Variants in KCNIP3 observed in about 807,000 individuals in gnomAD.
The protein encoded by KCNIP3 is calsenilin.
In KCNIP3, 28 loss-of-function variants were observed where a neutral mutation model predicts 35.0. That is an observed-to-expected ratio of 0.80 (90% CI 0.59 to 1.10). The LOEUF (loss-of-function observed/expected upper bound fraction) is 1.10. KCNIP3 is among the 50% of genes least tolerant of loss of function. KCNIP3 has a pLI of 0.00. For synonymous variants in KCNIP3, 134 were observed against 133.8 expected (o/e 1.00, Z -0.01); for missense variants, 295 against 338.4 (o/e 0.87, Z 1.01).
Position 95,297,446 on chromosome 2 carries a change from C to T in KCNIP3, c.8C>T (p.Pro3Leu), listed in dbSNP as rs765224212. 58 of 1,266,036 alleles carry T rather than the reference C, an allele frequency of 4.6e-5. No homozygotes were observed. Among genetic ancestry groups the T allele is most frequent in the East Asian group, 3.3e-4 (7 of 20,930 alleles). 78.4% of individuals were successfully genotyped at this position (1,266,036 alleles called of 1,614,324 possible). ...TTTTCTTCAGCGCCCAGGATGCAGC[C>T]GGCTAAGGTAGGTGCTGGGGGAATG... MQ[P>L]AKEVTKASDG... The change falls in exon 1 of 9, where the codon CCG (proline) becomes CTG (leucine). Residue 3 changes from proline (P) to leucine (L), a missense_variant. By Grantham distance (98) the Pro-to-Leu change is moderately conservative. Transcript: ENST00000295225.
intron 2 of KCNIP3, among the ~76,000 whole-genome samples, chr2:95,352,661 T>C (rs1308189850): frequency 6.6e-6 from 1 of 150,988 alleles, no homozygotes; most frequent in Non-Finnish European, 1.5e-5. Flanking sequence ...TCCTCTGCCC[T>C]CCCTCCCCTG....
intron 2 of KCNIP3, among the ~76,000 whole-genome samples, chr2:95,361,328 G>T (rs759439517): frequency 2.0e-5 from 3 of 152,090 alleles, no homozygotes; most frequent in Non-Finnish European, 4.4e-5. Context: ...TCAGCAGCTA[G>T]GAACTCTGGC....
chr2:95,304,088 G>A (rs1678112565), intron 1 of KCNIP3, among the ~76,000 whole-genome samples: 1 of 152,216 alleles, frequency 6.6e-6, no homozygotes, highest in Non-Finnish European at 1.5e-5. Context: ...CTGGCGAGAG[G>A]CCGCCGTCAC....
intron 2 of KCNIP3, among the ~76,000 whole-genome samples, chr2:95,369,519 T>G (rs1190162806): frequency 6.6e-6 from 1 of 152,238 alleles, no homozygotes; most frequent in Non-Finnish European, 1.5e-5. Flanking sequence ...GAAGACTTGT[T>G]CATAATATCC....
intron 2 of KCNIP3, among the ~76,000 whole-genome samples, chr2:95,361,804 G>C (rs536117622): frequency 1.3e-5 from 2 of 152,184 alleles, no homozygotes; most frequent in Non-Finnish European, 2.9e-5. Flanking sequence ...GGCTGGGTAC[G>C]GCAGCGAGGA....
intron 2 of KCNIP3, among the ~76,000 whole-genome samples, chr2:95,363,066 T>G (rs1190354778): frequency 1.3e-5 from 2 of 152,222 alleles, no homozygotes; most frequent in Non-Finnish European, 2.9e-5. Flanking sequence ...CTACGCTATC[T>G]TCTTCTATTC....
chr2:95,349,600 AG>A (rs1679461207), intron 2 of KCNIP3, among the ~76,000 whole-genome samples: 1 of 152,154 alleles, frequency 6.6e-6, no homozygotes, highest in Middle Eastern at 3.2e-3. Context: ...TCCATGGACA[AG>A]GGGGCTGAGC....
intron 2 of KCNIP3, among the ~76,000 whole-genome samples, chr2:95,337,565 C>T (rs559793912): frequency 2.6e-5 from 4 of 152,296 alleles, no homozygotes; most frequent in African/African-American, 9.6e-5. Flanking sequence ...TTATTGAGTA[C>T]CTCAAATGGA....
At chr2:95,374,445 A>G (rs769858859) in intron 3 of KCNIP3, 25 bp downstream of exon 3, 1 of 1,611,856 alleles carries the variant, frequency 6.2e-7, no homozygotes, top group Non-Finnish European at 8.5e-7. Context: ...TTCCCCCGGG[A>G]GAGGCCTTGG....
intron 2 of KCNIP3, among the ~76,000 whole-genome samples, chr2:95,315,525 C>T (rs1286223802): frequency 1.3e-5 from 2 of 152,098 alleles, no homozygotes; most frequent in Non-Finnish European, 2.9e-5. Flanking sequence ...CCCGATCCTG[C>T]CCCTCCACCT....
At position 95,309,168 on chromosome 2, in the gene KCNIP3, G is replaced by C. The variant is rs75256541; in HGVS notation, c.16-1187G>C. On this transcript the variant is annotated intron_variant, in intron 1 of 8. Coordinates refer to ENST00000295225, the MANE Select transcript of KCNIP3 (RefSeq NM_013434.5). ...TGTCCCCCTGCCACCCCGAGCAGGA[G>C]AGGACAGCACAAAGGCAGCAAACTA... 2.7e-3 allele frequency among the ~76,000 whole-genome samples: 415 copies of C among 152,294 alleles called. 13 individuals are homozygous for C. In the East Asian group the frequency reaches 0.077, roughly 28 times the overall value.
At chr2:95,308,627 G>GC (rs1025270793) in intron 1 of KCNIP3, among the ~76,000 whole-genome samples, 4 of 152,214 alleles carry the variant, frequency 2.6e-5, no homozygotes, top group African/African-American at 9.7e-5. Context: ...CTTTGCAGCA[G>GC]CAGCAGAGCC....
rs1680381655 is a variant in KCNIP3, at chr2:95,382,781, A to T, written c.660+300A>T. 6.6e-6 allele frequency among the ~76,000 whole-genome samples: 1 copy of T among 152,168 alleles called. No homozygotes were observed. The highest frequency in any genetic ancestry group is 1.5e-5 in the Non-Finnish European group (1 of 68,004). On this transcript the variant is annotated intron_variant, in intron 7 of 8. Coordinates refer to ENST00000295225, the MANE Select transcript of KCNIP3 (RefSeq NM_013434.5). The surrounding 1 kb of genome is among the most constrained non-coding windows in gnomAD (Gnocchi z 4.5). ...GGCTCCTCCAGGAAGACGCTCTGGG[A>T]GAGGAGCAGGTTGGGGGCCTTCACC...
intron 2 of KCNIP3, among the ~76,000 whole-genome samples, chr2:95,346,279 C>A (rs1048498453): frequency 6.6e-6 from 1 of 151,648 alleles, no homozygotes; most frequent in African/African-American, 2.4e-5. Flanking sequence ...TCAGCGCCTC[C>A]CCGGGAGAGC....
intron 5 of KCNIP3, 97 bp from the exon 6 acceptor site, chr2:95,381,499 G>C (rs1476113319): frequency 1.2e-6 from 1 of 836,644 alleles, no homozygotes. Flanking sequence ...CTCTGTGCCT[G>C]TTGGAGGCGT....
chr2:95,359,790 C>A (rs2104284055), intron 2 of KCNIP3, among the ~76,000 whole-genome samples: 1 of 152,378 alleles, frequency 6.6e-6, no homozygotes, highest in South Asian at 2.1e-4. Flanking sequence ...ACTGCTTGCC[C>A]TCTGGAGCCG....
At chr2:95,334,622 C>T (rs1315898333) in intron 2 of KCNIP3, among the ~76,000 whole-genome samples, 2 of 152,330 alleles carry the variant, frequency 1.3e-5, no homozygotes, top group South Asian at 2.1e-4. Flanking sequence ...CTGGCCTTAC[C>T]CAGTCCTGCC....
intron 2 of KCNIP3, among the ~76,000 whole-genome samples, chr2:95,319,460 G>A (rs752020517): frequency 7.2e-5 from 11 of 152,206 alleles, no homozygotes; most frequent in African/African-American, 2.2e-4. Flanking sequence ...ACCCTGGGCC[G>A]CTTCTCTGTG....
chr2:95,356,694 T>C (rs181749831), intron 2 of KCNIP3, among the ~76,000 whole-genome samples: 1 of 152,200 alleles, frequency 6.6e-6, no homozygotes, highest in Non-Finnish European at 1.5e-5. Context: ...CTCTGTTCTG[T>C]TCCATTGGTC....
Sources: gnomAD v4.1 joint callset for allele counts (sites outside exome capture counted in the v4.1 genomes callset) on GRCh38, gnomAD v4.1.1 for gene constraint, Gnocchi (gnomAD v3.1) non-coding constraint, MANE v1.5 for transcripts, NCBI Gene and HGNC (gene_info 2026-07-23, HGNC 2026-07-21) for gene names.